LARGE1: variants seen among roughly 807,000 people sequenced by gnomAD.
LARGE1 encodes LARGE xylosyl- and glucuronyltransferase 1.
A neutral mutation model predicts 87.6 loss-of-function variants in LARGE1; 43 were observed. The ratio of observed to expected loss-of-function variants is 0.49; its 90% confidence interval spans 0.38 to 0.63. LARGE1 has a LOEUF of 0.63. LARGE1 is among the 30% of genes least tolerant of loss of function. The pLI, the probability that LARGE1 is intolerant of heterozygous loss-of-function variation, is 0.00. For synonymous variants in LARGE1, 434 were observed against 394.6 expected (o/e 1.10, Z -1.18); for missense variants, 802 against 1,000.2 (o/e 0.80, Z 2.67).
chr22:33,164,030 G>A (rs913787264), exon 12 of LARGE1: 1 of 152,204 alleles, frequency 6.6e-6, no homozygotes, highest in Non-Finnish European at 1.5e-5. Flanking sequence ...ATACCAGGTA[G>A]CTATAGGTCG....
At chr22:33,505,138 T>C (rs948004606) in intron 6 of LARGE1, among the ~76,000 whole-genome samples, 6 of 152,226 alleles carry the variant, frequency 3.9e-5, no homozygotes, top group African/African-American at 9.6e-5. Flanking sequence ...TGAACAGGCA[T>C]GCAGCTTCAA....
chr22:33,387,632 A>G (rs570821513), intron 7 of LARGE1, among the ~76,000 whole-genome samples: 1 of 152,180 alleles, frequency 6.6e-6, no homozygotes, highest in South Asian at 2.1e-4. Context: ...CTGGTGACCA[A>G]GCTGAGAACT....
At chr22:33,259,428 C>T (rs1013466260) in intron 11 of LARGE1, among the ~76,000 whole-genome samples, 4 of 151,748 alleles carry the variant, frequency 2.6e-5, no homozygotes, top group South Asian at 2.1e-4. Context: ...TTTGCCACAT[C>T]GTAGTTTTCT....
intron 6 of LARGE1, 134 bp from the exon 7 acceptor site, chr22:33,432,399 C>CCAG: frequency 1.4e-6 from 1 of 716,428 alleles, no homozygotes; most frequent in Non-Finnish European, 2.5e-6. Flanking sequence ...TTATGAAGTG[C>CCAG]CAGCCTCTGA....
chr22:33,434,659 A>G (rs764662695), intron 6 of LARGE1, among the ~76,000 whole-genome samples: 2 of 152,338 alleles, frequency 1.3e-5, no homozygotes, highest in Non-Finnish European at 2.9e-5. Context: ...GGTCATCTTC[A>G]GATATCTGAA....
intron 2 of LARGE1, among the ~76,000 whole-genome samples, chr22:33,700,541 G>A (rs1305921902): frequency 6.6e-6 from 1 of 152,184 alleles, no homozygotes; most frequent in African/African-American, 2.4e-5. Flanking sequence ...AGGAAATAGA[G>A]GATTGATTCT....
intron 6 of LARGE1, among the ~76,000 whole-genome samples, chr22:33,558,296 G>T (rs991422739): frequency 3.3e-5 from 5 of 152,054 alleles, no homozygotes; most frequent in African/African-American, 1.2e-4. Flanking sequence ...ACAGGGCGGG[G>T]GACACTGAGC....
At chr22:33,153,655 T>C in the LARGE1 span, among the ~76,000 whole-genome samples, 28 of 152,348 alleles carry the variant, frequency 1.8e-4, no homozygotes, top group Admixed American at 1.7e-3. Flanking sequence ...CTCCATTTTC[T>C]CAGACACATT....
At chr22:33,489,228 T>C (rs1420957195) in intron 6 of LARGE1, among the ~76,000 whole-genome samples, 2 of 152,204 alleles carry the variant, frequency 1.3e-5, no homozygotes, top group East Asian at 3.8e-4. Flanking sequence ...CAAATGGTGA[T>C]AGGTGCTACG....
intron 7 of LARGE1, among the ~76,000 whole-genome samples, chr22:33,413,600 G>T (rs930741541): frequency 6.6e-6 from 1 of 152,068 alleles, no homozygotes; most frequent in African/African-American, 2.4e-5. Flanking sequence ...GAGTACCCGG[G>T]ACTACAGGTG....
chr22:33,251,205 T>C (rs889495778), intron 11 of LARGE1, among the ~76,000 whole-genome samples: 1 of 152,206 alleles, frequency 6.6e-6, no homozygotes, highest in African/African-American at 2.4e-5. Context: ...GGCAGTAAGA[T>C]AGACTACTCT....
chr22:33,698,902 C>T (rs974996485), intron 2 of LARGE1, among the ~76,000 whole-genome samples: 7 of 152,226 alleles, frequency 4.6e-5, no homozygotes, highest in African/African-American at 7.2e-5. Flanking sequence ...CTTTCTTCCC[C>T]GTAACACTTA....
chr22:33,607,461 C>CAAAAAAA lies in LARGE1; in HGVS notation c.492-2910_492-2904dup, dbSNP rs1217376084. Among the ~76,000 whole-genome samples, 213 of 57,808 alleles carry CAAAAAAA rather than the reference C, an allele frequency of 3.7e-3. 5 individuals are homozygous for CAAAAAAA. Among genetic ancestry groups the CAAAAAAA allele is most frequent in the East Asian group, 6.6e-3 (13 of 1,976 alleles). The allele number at this position is 57,808 out of a possible 152,430, so 37.9% of individuals were successfully genotyped here. A position where few individuals can be genotyped will look rare whatever the true frequency, so the allele number is the denominator to read the frequency against. On this transcript the variant is annotated intron_variant, in intron 4 of 14. Transcript: ENST00000397394. Reference sequence around the variant, plus strand: ...GGGCAACAAGAGCAAAACTGCATCTCAAAAAAAAAAAAAAAAAAAAAAAGT... The same window carrying CAAAAAAA: ...GGGCAACAAGAGCAAAACTGCATCTCAAAAAAAAAAAAAAAAAAAAAAAAAAAAAAGT...
the LARGE1 span, among the ~76,000 whole-genome samples, chr22:33,124,186 C>CTGAGGCAGGAGAATCACT: frequency 6.6e-6 from 1 of 151,956 alleles, no homozygotes; most frequent in African/African-American, 2.4e-5. Context: ...ACTCGAGCGG[C>CTGAGGCAGGAGAATCACT]TGAGGCAGGA....
intron 2 of LARGE1, among the ~76,000 whole-genome samples, chr22:33,700,800 T>G (rs1482893956): frequency 6.6e-6 from 1 of 152,186 alleles, no homozygotes; most frequent in Non-Finnish European, 1.5e-5. Context: ...AAAGCAATTA[T>G]TTTGTTCTGG....
intron 1 of LARGE1, among the ~76,000 whole-genome samples, chr22:33,875,209 T>C (rs1006105636): frequency 6.6e-6 from 1 of 152,192 alleles, no homozygotes; most frequent in Non-Finnish European, 1.5e-5. Context: ...CTGACCCTCG[T>C]GCTATAATAA....
At chr22:33,407,429 T>A (rs1234509123) in intron 7 of LARGE1, among the ~76,000 whole-genome samples, 1 of 152,242 alleles carries the variant, frequency 6.6e-6, no homozygotes, top group Non-Finnish European at 1.5e-5. Flanking sequence ...TTTCCCTCTA[T>A]TTCTTGTGCA....
the LARGE1 span, among the ~76,000 whole-genome samples, chr22:33,080,362 C>T: frequency 7.9e-5 from 12 of 152,278 alleles, no homozygotes; most frequent in East Asian, 1.9e-4. Flanking sequence ...GTTTCTCACT[C>T]GTGCTCTTTG....
intron 1 of LARGE1, among the ~76,000 whole-genome samples, chr22:33,807,008 C>CA (rs60713375): frequency 0.1 from 15,123 of 149,230 alleles, 836 homozygotes; most frequent in South Asian, 0.22. Context: ...GACTCCGTCT[C>CA]AAAAAAAAAA....
Sources: gnomAD v4.1 joint callset for allele counts (sites outside exome capture counted in the v4.1 genomes callset) on GRCh38, gnomAD v4.1.1 for gene constraint, MANE v1.5 for transcripts, NCBI Gene and HGNC (gene_info 2026-07-23, HGNC 2026-07-21) for gene names.